The following SOS1 variants were observed in gnomAD, a reference collection of about 807,000 sequenced individuals.
The protein encoded by SOS1 is son of sevenless homolog 1.
A neutral mutation model predicts 157.6 loss-of-function variants in SOS1; 25 were observed. The ratio of observed to expected loss-of-function variants is 0.16; its 90% confidence interval spans 0.12 to 0.22. The LOEUF (loss-of-function observed/expected upper bound fraction) is 0.22, where lower values mean the gene tolerates loss of function less well. Among genes scored for constraint, SOS1 ranks in the 10% least tolerant of loss-of-function variants. The pLI, the probability that SOS1 is intolerant of heterozygous loss-of-function variation, is 1.00. For missense variants in SOS1, 1,237 were observed against 1,599.1 expected, an observed-to-expected ratio of 0.77 and a Z score of 3.86; for synonymous variants, 528 against 534.0, an observed-to-expected ratio of 0.99 and a Z score of 0.16.
intron 1 of SOS1, among the ~76,000 whole-genome samples, chr2:39,071,674 A>G (rs1671798788): frequency 6.6e-6 from 1 of 152,214 alleles, no homozygotes; most frequent in Admixed American, 6.5e-5. Flanking sequence ...TGTTTTAGAA[A>G]GTATTCAAGA....
At chr2:39,097,388 A>C (rs1045533888) in intron 1 of SOS1, among the ~76,000 whole-genome samples, 5 of 152,164 alleles carry the variant, frequency 3.3e-5, no homozygotes, top group Admixed American at 2.6e-4. Flanking sequence ...CCAAAGCATC[A>C]ACATGTTCTG....
In SOS1 at chr2:39,056,860, G is replaced by C. The variant is rs748805040; in HGVS notation, c.352C>G (p.Leu118Val). Reference protein sequence around the residue: ...EKIHPLLKEVLGYKIDHQVSV... With the variant: ...EKIHPLLKEVVGYKIDHQVSV... Reference sequence around the variant, plus strand: ...ACCTGGTGGTCAATTTTATAACCTAGGACCTCCTGCAAAATTAAAAGAAAA... The same window carrying C: ...ACCTGGTGGTCAATTTTATAACCTACGACCTCCTGCAAAATTAAAAGAAAA... The change falls in exon 4 of 23, where the codon CTA (leucine) becomes GTA (valine). Residue 118 changes from leucine (L) to valine (V), a missense_variant. This residue lies in a region of SOS1 where 37 missense variants were observed against 38.5 expected (regional missense o/e 0.96). Coordinates refer to ENST00000402219, the MANE Select transcript of SOS1 (RefSeq NM_005633.4). 3.1e-6 allele frequency: 5 copies of C among 1,603,098 alleles called. No homozygotes were observed. In the South Asian group the frequency reaches 4.4e-5, roughly 14 times the overall value.
intron 2 of SOS1, among the ~76,000 whole-genome samples, chr2:39,064,847 CA>C (rs1337753049): frequency 7.3e-6 from 1 of 137,016 alleles, no homozygotes; most frequent in African/African-American, 2.7e-5. Flanking sequence ...CTCCCGGGTT[CA>C]AGTGGTTCTC....
At chr2:39,026,737 G>C (rs1415118714) in intron 8 of SOS1, among the ~76,000 whole-genome samples, 1 of 152,146 alleles carries the variant, frequency 6.6e-6, no homozygotes, top group African/African-American at 2.4e-5. Flanking sequence ...TAAAGCAGCA[G>C]ATAATCTAAC....
chr2:39,110,741 AG>A (rs1200650585), intron 1 of SOS1, among the ~76,000 whole-genome samples: 1 of 152,226 alleles, frequency 6.6e-6, no homozygotes, highest in African/African-American at 2.4e-5. Flanking sequence ...ATATCGGCAA[AG>A]GGTTCTTAGA....
intron 10 of SOS1, among the ~76,000 whole-genome samples, chr2:39,015,589 C>A (rs368435952): frequency 2.0e-5 from 3 of 151,842 alleles, no homozygotes; most frequent in Admixed American, 6.6e-5. Context: ...AAACAAGAGG[C>A]TGAGTGTGAT....
In SOS1 at chr2:38,986,241, T is replaced by C. The variant is rs587781173; in HGVS notation, c.3585A>G (p.Arg1195=). ...TAGAGGTCCGGTCTGATATTGAATA[T>C]CGTGGTGAATAGGCTTTTGATGTGG... ...RQPTSKAYSP[R]YSISDRTSIS... The change falls in exon 23 of 23, where the codon CGA becomes CGG. Residue 1195 remains arginine, a synonymous_variant. Coordinates refer to ENST00000402219, the MANE Select transcript of SOS1 (RefSeq NM_005633.4). 2.5e-6 allele frequency: 4 copies of C among 1,613,716 alleles called. No homozygotes were observed. Among genetic ancestry groups the C allele is most frequent in the Non-Finnish European group, 3.4e-6 (4 of 1,179,898 alleles).
At chr2:39,097,351 G>C (rs915832384) in intron 1 of SOS1, among the ~76,000 whole-genome samples, 1 of 152,102 alleles carries the variant, frequency 6.6e-6, no homozygotes, top group Admixed American at 6.5e-5. Flanking sequence ...GACAGTTATA[G>C]GGACCATTAA....
intron 1 of SOS1, among the ~76,000 whole-genome samples, chr2:39,107,144 A>G (rs1673224163): frequency 6.6e-6 from 1 of 152,128 alleles, no homozygotes; most frequent in African/African-American, 2.4e-5. Context: ...AAATGGGGAA[A>G]AACTGTACTT....
Position 38,986,177 on chromosome 2 carries a change from G to A in SOS1, c.3649C>T (p.Arg1217Ter), listed in dbSNP as rs914233131. 1.2e-6 allele frequency: 2 copies of A among 1,613,764 alleles called. No individual in the cohort carries two copies. The highest frequency in any genetic ancestry group is 1.7e-6 in the Non-Finnish European group (2 of 1,179,868). ...PPESPPLLPP[R>*]EPVRTPDVFS... ...ACATCAGGTGTCCTCACAGGTTCTC[G>A]TGGTGGTAATAAGGGAGGGCTTTCA... is the stretch of plus-strand genomic sequence containing the variant. The change falls in exon 23 of 23, where the codon CGA becomes TGA. Residue 1217 changes from arginine to a stop codon, truncating the protein, a stop_gained. Transcript: ENST00000402219. LOFTEE classifies it high-confidence loss of function.
intron 1 of SOS1, among the ~76,000 whole-genome samples, chr2:39,068,710 GA>G (rs1487150145): frequency 6.8e-6 from 1 of 146,158 alleles, no homozygotes; most frequent in Non-Finnish European, 1.5e-5. Context: ...TTTTTTTTAT[GA>G]AAAGTTTTAC....
At chr2:38,986,340 C>T (rs1451110828) in intron 22 of SOS1, 25 bp from the exon 23 acceptor site, 2 of 1,580,168 alleles carry the variant, frequency 1.3e-6, no homozygotes, top group Non-Finnish European at 8.6e-7. Context: ...GAATAAAATA[C>T]ACATTTATTA....
At chr2:38,994,893 T>C (rs1242846185) in intron 20 of SOS1, among the ~76,000 whole-genome samples, 1 of 152,204 alleles carries the variant, frequency 6.6e-6, no homozygotes, top group African/African-American at 2.4e-5. Context: ...CCACTAGGCC[T>C]TTCATTAACG....
Position 39,066,177 on chromosome 2 carries a change from T to C in SOS1, c.213+1451A>G, listed in dbSNP as rs1671581352. 2.6e-5 allele frequency among the ~76,000 whole-genome samples: 4 copies of C among 152,158 alleles called. No individual in the cohort carries two copies. In the South Asian group the frequency reaches 8.3e-4, roughly 32 times the overall value. The stretch of plus-strand genomic sequence containing the variant: ...AAAACCCAATGTTTTATGTGTGCCA[T>C]AAAAACATTACTTTCTATGTGTGTT... On this transcript the variant is annotated intron_variant, in intron 2 of 22. Transcript: ENST00000402219.
chr2:39,020,971 AT>A (rs752217881), intron 10 of SOS1, among the ~76,000 whole-genome samples: 6 of 138,584 alleles, frequency 4.3e-5, no homozygotes, highest in Admixed American at 7.2e-5. Flanking sequence ...TTTTAAAAAC[AT>A]TTTTTTTAAG....
At position 39,064,142 on chromosome 2, in the gene SOS1, T is replaced by C. The variant is rs1458769811; in HGVS notation, c.213+3486A>G. Among the ~76,000 whole-genome samples, 5 of 152,274 alleles carry C rather than the reference T, an allele frequency of 3.3e-5. No individual in the cohort carries two copies. In the East Asian group the frequency reaches 9.7e-4, roughly 29 times the overall value. On this transcript the variant is annotated intron_variant, in intron 2 of 22. Coordinates refer to ENST00000402219, the MANE Select transcript of SOS1 (RefSeq NM_005633.4). ...ATCCAGCCACCACACCGGCCAAATT[T>C]ATTTACTCCTTAAATTGATGTATAA...
chr2:39,124,539 G>A (rs1674010141), upstream of SOS1, among the ~76,000 whole-genome samples: 1 of 152,268 alleles, frequency 6.6e-6, no homozygotes, highest in Non-Finnish European at 1.5e-5. Flanking sequence ...TGTGCCCCCT[G>A]CAGGTGCAAG....
At chr2:39,073,008 T>C (rs916346049) in intron 1 of SOS1, among the ~76,000 whole-genome samples, 6 of 152,188 alleles carry the variant, frequency 3.9e-5, no homozygotes, top group African/African-American at 1.2e-4. Context: ...GATATTTCTT[T>C]AAAGAGCAAA....
intron 1 of SOS1, chr2:39,082,781 A>G (rs1021712707): frequency 2.0e-5 from 3 of 152,230 alleles, no homozygotes; most frequent in Non-Finnish European, 4.4e-5. Context: ...AGGTCAAAAT[A>G]AAAATGTAGA....
Sources: gnomAD v4.1 joint callset for allele counts (sites outside exome capture counted in the v4.1 genomes callset) on GRCh38, gnomAD v4.1.1 for gene constraint, gnomAD v4.1.1 regional missense constraint, MANE v1.5 for transcripts, NCBI Gene and HGNC (gene_info 2026-07-23, HGNC 2026-07-21) for gene names.